Variants in LRRIQ3 observed in about 807,000 individuals in gnomAD.
LRRIQ3 encodes leucine-rich repeat and IQ domain-containing protein 3.
In LRRIQ3, 75 loss-of-function variants were observed where a neutral mutation model predicts 59.3. The observed-to-expected ratio is 1.26, with a 90% confidence interval of 1.05 to 1.53. The LOEUF is 1.53. Ranked by LOEUF, LRRIQ3 falls within the 40% of genes most tolerant of loss-of-function variation. The pLI is 0.00. For missense variants in LRRIQ3, 831 were observed against 710.0 expected, an observed-to-expected ratio of 1.17 and a Z score of -1.94; for synonymous variants, 250 against 231.3, an observed-to-expected ratio of 1.08 and a Z score of -0.73.
chr1:74,030,336 C>A (rs993033657), intron 7 of LRRIQ3, among the ~76,000 whole-genome samples: 15 of 152,108 alleles, frequency 9.9e-5, no homozygotes, highest in Non-Finnish European at 1.5e-5. Flanking sequence ...AAGCTGGAGG[C>A]ATCATGCTAC....
intron 1 of LRRIQ3, among the ~76,000 whole-genome samples, chr1:74,190,794 T>C (rs1225394579): frequency 6.6e-6 from 1 of 152,056 alleles, no homozygotes; most frequent in African/African-American, 2.4e-5. Flanking sequence ...AAAATCTTAC[T>C]TATAAAGGAT....
Position 74,182,552 on chromosome 1 carries a change from G to A in LRRIQ3, c.559C>T (p.Pro187Ser), listed in dbSNP as rs1192389683. Reference sequence around the variant, plus strand: ...AAGCCAATTACCTTTCTCAAAGCTGGGCAGAAATTAAAGAAAAGTCGATGG... The same window carrying A: ...AAGCCAATTACCTTTCTCAAAGCTGAGCAGAAATTAAAGAAAAGTCGATGG... ...CNHRLFFNFC[P>S]ALRKGTTYEE... The change falls in exon 3 of 8, where the codon CCA (proline) becomes TCA (serine). Residue 187 changes from proline to serine, a missense_variant. Pro to Ser is a moderately conservative substitution (Grantham distance 74). Transcript: ENST00000354431. The A allele has an allele frequency of 7.1e-6, 11 of 1,553,562 alleles. No homozygotes were observed. Among genetic ancestry groups the A allele is most frequent in the African/African-American group, 2.7e-5 (2 of 73,076 alleles).
chr1:74,078,985 TC>T (rs1646241650), intron 5 of LRRIQ3, among the ~76,000 whole-genome samples: 1 of 151,876 alleles, frequency 6.6e-6, no homozygotes, highest in Admixed American at 6.6e-5. Context: ...CAAGGCTACT[TC>T]CAAAATATAT....
intron 4 of LRRIQ3, chr1:74,144,435 CTAGAT>C (rs995196425): frequency 3.0e-6 from 1 of 330,578 alleles, no homozygotes; most frequent in African/African-American, 2.3e-5. Context: ...TTCAAGGAAA[CTAGAT>C]TAATATTTTT....
chr1:74,030,276 G>C (rs1653660552), intron 7 of LRRIQ3, among the ~76,000 whole-genome samples: 1 of 151,936 alleles, frequency 6.6e-6, no homozygotes, highest in African/African-American at 2.4e-5. Context: ...AGTTCATATG[G>C]AACCAAAAAA....
intron 5 of LRRIQ3, among the ~76,000 whole-genome samples, chr1:74,097,178 A>G (rs375662666): frequency 2.0e-4 from 30 of 152,120 alleles, no homozygotes; most frequent in African/African-American, 7.2e-4. Context: ...GATTAGATGA[A>G]TGGCTTACTA....
chr1:74,188,331 T>C (rs911618460), intron 1 of LRRIQ3, among the ~76,000 whole-genome samples: 5 of 152,116 alleles, frequency 3.3e-5, no homozygotes, highest in African/African-American at 9.7e-5. Context: ...GCTTAACACC[T>C]GGGTGACTAA....
At chr1:74,098,139 G>A (rs1269269287) in intron 5 of LRRIQ3, among the ~76,000 whole-genome samples, 1 of 148,378 alleles carries the variant, frequency 6.7e-6, no homozygotes, top group Non-Finnish European at 1.5e-5. Flanking sequence ...AGACCCATCA[G>A]TGTGCTGTAT....
intron 3 of LRRIQ3, among the ~76,000 whole-genome samples, chr1:74,172,857 C>CT (rs1269837268): frequency 2.6e-5 from 4 of 152,088 alleles, no homozygotes; most frequent in African/African-American, 4.8e-5. Context: ...TTAAAGCCTA[C>CT]TTTTTTAATA....
chr1:74,075,266 C>A (rs770035009), intron 5 of LRRIQ3, among the ~76,000 whole-genome samples: 5 of 151,980 alleles, frequency 3.3e-5, no homozygotes, highest in Non-Finnish European at 7.4e-5. Flanking sequence ...AATTATCACA[C>A]ATGTTAAAAC....
At chr1:74,193,503 A>G (rs1198300024) in intron 1 of LRRIQ3, among the ~76,000 whole-genome samples, 1 of 152,180 alleles carries the variant, frequency 6.6e-6, no homozygotes, top group African/African-American at 2.4e-5. Context: ...GTGTAACTAT[A>G]CAAGGTTATA....
intron 3 of LRRIQ3, chr1:74,180,108 C>T (rs1557656578): frequency 6.6e-6 from 1 of 151,872 alleles, no homozygotes; most frequent in East Asian, 1.9e-4. Flanking sequence ...ATATAACCCA[C>T]CACAATTTCA....
chr1:74,169,378 A>G (rs941758362), intron 3 of LRRIQ3, among the ~76,000 whole-genome samples: 1 of 152,154 alleles, frequency 6.6e-6, no homozygotes, highest in Admixed American at 6.6e-5. Context: ...TACAATCAAC[A>G]TGGAATACTG....
chr1:74,148,254 T>G (rs1332050193), intron 4 of LRRIQ3, among the ~76,000 whole-genome samples: 1 of 152,212 alleles, frequency 6.6e-6, no homozygotes, highest in Non-Finnish European at 1.5e-5. Context: ...GATAGGATGC[T>G]TTGACTTTGA....
At chr1:74,144,511 T>C in intron 4 of LRRIQ3, 2 of 305,180 alleles carry the variant, frequency 6.6e-6, no homozygotes, top group Non-Finnish European at 1.3e-5. Context: ...GGACACATCT[T>C]CAAGCAATCC....
intron 6 of LRRIQ3, among the ~76,000 whole-genome samples, chr1:74,053,150 T>C (rs1191371533): frequency 4.5e-5 from 3 of 66,086 alleles, no homozygotes; most frequent in Non-Finnish European, 9.2e-5. Context: ...CAACAAACGG[T>C]AATGAAATAA....
At chr1:74,030,257 C>A (rs1653659816) in intron 7 of LRRIQ3, among the ~76,000 whole-genome samples, 5 of 151,800 alleles carry the variant, frequency 3.3e-5, no homozygotes, top group African/African-American at 2.4e-5. Flanking sequence ...TTGGAAAAAA[C>A]TACTTTAAAG....
At chr1:74,147,628 A>C (rs1268535074) in intron 4 of LRRIQ3, among the ~76,000 whole-genome samples, 2 of 152,200 alleles carry the variant, frequency 1.3e-5, no homozygotes, top group Non-Finnish European at 2.9e-5. Flanking sequence ...TATTGATAAA[A>C]ACATGTTTTG....
intron 7 of LRRIQ3, among the ~76,000 whole-genome samples, chr1:74,038,901 G>A (rs1653956837): frequency 6.6e-6 from 1 of 152,082 alleles, no homozygotes; most frequent in Non-Finnish European, 1.5e-5. Context: ...AAACCAAAAG[G>A]CCAGAGTTCC....
Sources: gnomAD v4.1 joint callset for allele counts (sites outside exome capture counted in the v4.1 genomes callset) on GRCh38, gnomAD v4.1.1 for gene constraint, MANE v1.5 for transcripts, NCBI Gene and HGNC (gene_info 2026-07-23, HGNC 2026-07-21) for gene names.